Variants in KIT observed in about 807,000 individuals in gnomAD.
KIT encodes the protein KIT proto-oncogene, receptor tyrosine kinase, also known as mast/stem cell growth factor receptor Kit.
In KIT, 16 loss-of-function variants were observed where a neutral mutation model predicts 105.7. That is an observed-to-expected ratio of 0.15 (90% CI 0.10 to 0.23). The LOEUF (loss-of-function observed/expected upper bound fraction) is 0.23. Among genes scored for constraint, KIT ranks in the 10% least tolerant of loss-of-function variants. KIT has a pLI of 1.00. For missense variants in KIT, 858 were observed against 1,213.8 expected (o/e 0.71, Z 4.36); for synonymous variants, 438 against 441.1 (o/e 0.99, Z 0.09).
chr4:54,716,414 A>G (rs1721500245), intron 7 of KIT, among the ~76,000 whole-genome samples: 1 of 152,226 alleles, frequency 6.6e-6, no homozygotes, highest in Non-Finnish European at 1.5e-5. Context: ...AATGTAAATA[A>G]GCAAAAATAA....
chr4:54,727,373 A>G (rs1722295113), intron 10 of KIT, 43 bp from the exon 11 acceptor site: 1 of 1,613,806 alleles, frequency 6.2e-7, no homozygotes, highest in Non-Finnish European at 8.5e-7. Flanking sequence ...GACTGAGACA[A>G]TAATTATTAA....
intron 5 of KIT, among the ~76,000 whole-genome samples, chr4:54,705,790 G>GAC (rs1720748728): frequency 6.6e-6 from 1 of 152,172 alleles, no homozygotes; most frequent in African/African-American, 2.4e-5. Context: ...GCTGAGGCAG[G>GAC]AGGATTGCTT....
At position 54,738,625 on chromosome 4, in the gene KIT, T is replaced by C. The variant is rs1487590511; in HGVS notation, c.*68T>C. The C allele has an allele frequency of 1.4e-5, 22 of 1,590,684 alleles. No individual in the cohort carries two copies. Among genetic ancestry groups the C allele is most frequent in the Non-Finnish European group, 1.8e-5 (21 of 1,166,796 alleles). ...CTTTTGGCTTCCATGATGGTTATTT[T>C]CTTTTCTTTCAACTTGCATCCAACT... On this transcript the variant is annotated 3_prime_UTR_variant, in exon 21 of 21. Transcript: ENST00000288135.
Position 54,699,702 on chromosome 4 carries a change from T to C in KIT, c.692T>C (p.Val231Ala). 6.2e-7 allele frequency: 1 copy of C among 1,614,026 alleles called. No homozygotes were observed. The highest frequency in any genetic ancestry group is 8.5e-7 in the Non-Finnish European group (1 of 1,179,912). Residue 231 changes from valine to alanine, a missense_variant, in exon 4 of 21, where the codon GTG (valine) becomes GCG (alanine). Val to Ala is a moderately conservative substitution (Grantham distance 64). Transcript: ENST00000288135. ...YLLREGEEFT[V>A]TCTIKDVSSS... ...CTTAGGGAAGGGGAAGAATTCACAGTGACGTGCACAATAAAAGATGTGTCT... is the reference window on the plus strand; with the variant it reads ...CTTAGGGAAGGGGAAGAATTCACAGCGACGTGCACAATAAAAGATGTGTCT...
At position 54,727,839 on chromosome 4, in the gene KIT, T is replaced by C. The variant is rs1186816361; in HGVS notation, c.1791T>C (p.Ala597=). The change falls in exon 12 of 21, where the codon GCT becomes GCC. Residue 597 remains alanine (A), a synonymous_variant. Transcript: ENST00000288135. ...TTCCTACAGGGAAAACCCTGGGTGC[T>C]GGAGCTTTCGGGAAGGTTGTTGAGG... ...NRLSFGKTLG[A]GAFGKVVEAT... The C allele has an allele frequency of 1.9e-6, 3 of 1,613,000 alleles. No homozygotes were observed. The highest frequency in any genetic ancestry group is 2.5e-6 in the Non-Finnish European group (3 of 1,179,942).
intron 7 of KIT, among the ~76,000 whole-genome samples, chr4:54,718,350 GAT>G (rs1307107086): frequency 6.6e-6 from 1 of 152,174 alleles, no homozygotes; most frequent in Non-Finnish European, 1.5e-5. Context: ...AAAGTGCTGG[GAT>G]TACAAGCGTG....
intron 1 of KIT, among the ~76,000 whole-genome samples, chr4:54,669,365 CAA>C (rs1717940031): frequency 6.6e-6 from 1 of 152,226 alleles, no homozygotes; most frequent in Admixed American, 6.5e-5. Context: ...CACTGCCTTT[CAA>C]AGAGTCTGGC....
intron 4 of KIT, among the ~76,000 whole-genome samples, chr4:54,701,173 G>T (rs992144761): frequency 7.2e-5 from 11 of 152,200 alleles, no homozygotes; most frequent in South Asian, 2.1e-4. Flanking sequence ...CACTGGTGCT[G>T]GTAGATAAGC....
rs191254392 is a variant in KIT, at chr4:54,700,727, A to G, written c.756+961A>G. On this transcript the variant is annotated intron_variant, in intron 4 of 20. Coordinates refer to ENST00000288135, the MANE Select transcript of KIT (RefSeq NM_000222.3). The stretch of plus-strand genomic sequence containing the variant: ...AACATTGGCAATTTTATGCCTGTTT[A>G]AAAAACTCTTTGCTAAACAAATAAC... Among the ~76,000 whole-genome samples, 551 of 152,294 alleles carry G rather than the reference A, an allele frequency of 3.6e-3. 16 individuals are homozygous for G. The highest frequency in any genetic ancestry group is 4.6e-3 in the Non-Finnish European group (314 of 68,016).
At chr4:54,681,881 A>G (rs1718945543) in intron 1 of KIT, among the ~76,000 whole-genome samples, 1 of 151,984 alleles carries the variant, frequency 6.6e-6, no homozygotes. Context: ...CTCTACTAAA[A>G]ATACAAAAAT....
At chr4:54,669,231 T>A (rs1717929968) in intron 1 of KIT, among the ~76,000 whole-genome samples, 1 of 150,988 alleles carries the variant, frequency 6.6e-6, no homozygotes, top group African/African-American at 2.4e-5. Flanking sequence ...CTTGCTTTTT[T>A]AAAATAAACC....
intron 4 of KIT, among the ~76,000 whole-genome samples, chr4:54,703,120 T>C (rs1053418886): frequency 4.6e-5 from 7 of 152,138 alleles, no homozygotes; most frequent in African/African-American, 1.4e-4. Context: ...TTCACAACCT[T>C]TTCTTTTCAG....
chr4:54,699,534 A>G, intron 3 of KIT, 96 bp from the exon 4 acceptor site: 1 of 1,376,164 alleles, frequency 7.3e-7, no homozygotes, highest in Non-Finnish European at 1.0e-6. Flanking sequence ...TTAAAAGATG[A>G]CAAAGTAAGC....
rs1487121042 is a variant in KIT at position 54,727,938 on chromosome 4, G to A, written c.1879+11G>A. The stretch of plus-strand genomic sequence containing the variant: ...TAAAGATGCTCAAGCGTAAGTTCCT[G>A]TATGGTACTGCATGCGCTTGACATC... On this transcript the variant is annotated intron_variant, in intron 12 of 20. Coordinates refer to ENST00000288135, the MANE Select transcript of KIT (RefSeq NM_000222.3). 2.5e-6 allele frequency: 4 copies of A among 1,612,684 alleles called. No homozygotes were observed. Among genetic ancestry groups the A allele is most frequent in the Non-Finnish European group, 2.5e-6 (3 of 1,178,704 alleles).
intron 7 of KIT, among the ~76,000 whole-genome samples, chr4:54,713,806 A>G (rs1276676794): frequency 6.6e-6 from 1 of 152,206 alleles, no homozygotes; most frequent in Middle Eastern, 3.2e-3. Context: ...TGCTCTGACA[A>G]TTTGTGTTAA....
rs1317162648 is a variant in KIT, at chr4:54,731,879, A to G, written c.2242A>G (p.Ile748Val). 6.2e-7 allele frequency: 1 copy of G among 1,613,416 alleles called. No homozygotes were observed. The highest frequency in any genetic ancestry group is 1.7e-4 in the Middle Eastern group (1 of 6,054). The change falls in exon 16 of 21, where the codon ATA (isoleucine) becomes GTA (valine). Residue 748 changes from isoleucine to valine, a missense_variant. Ile to Val is a conservative substitution (Grantham distance 29, BLOSUM62 3). Around this residue, in one of 7 missense-constraint regions of KIT, gnomAD observed 158 missense variants for 218.7 expected, o/e 0.72. Coordinates refer to ENST00000288135, the MANE Select transcript of KIT (RefSeq NM_000222.3). The stretch of plus-strand genomic sequence containing the variant: ...TCCTCTCTTCCTCACAGGCTCATAC[A>G]TAGAAAGAGATGTGACTCCCGCCAT... Reference protein sequence around the residue: ...KRRSVRIGSYIERDVTPAIME... With the variant: ...KRRSVRIGSYVERDVTPAIME...
chr4:54,708,236 G>A (rs1459319612), intron 6 of KIT, among the ~76,000 whole-genome samples: 1 of 152,144 alleles, frequency 6.6e-6, no homozygotes, highest in Non-Finnish European at 1.5e-5. Context: ...GGGTTTGTTG[G>A]ATTTGAGATT....
intron 1 of KIT, among the ~76,000 whole-genome samples, chr4:54,660,620 C>A (rs1717188029): frequency 6.6e-6 from 1 of 152,106 alleles, no homozygotes; most frequent in Non-Finnish European, 1.5e-5. Context: ...CAGTTGGAAA[C>A]TGTGTGCCAG....
intron 1 of KIT, among the ~76,000 whole-genome samples, chr4:54,680,537 G>T (rs916658440): frequency 6.6e-6 from 1 of 151,554 alleles, no homozygotes; most frequent in African/African-American, 2.4e-5. Flanking sequence ...GACTACAGGC[G>T]CCCGCCACCA....
Sources: allele counts gnomAD v4.1 joint callset (sites outside exome capture counted in the v4.1 genomes callset), GRCh38; gene constraint gnomAD v4.1.1; regional missense constraint gnomAD v4.1.1; transcripts MANE v1.5; gene names NCBI Gene and HGNC (gene_info 2026-07-23, HGNC 2026-07-21).